SLC22A16: variants seen among roughly 807,000 people sequenced by gnomAD.
SLC22A16 encodes solute carrier family 22 member 16.
SLC22A16 carries 53 observed loss-of-function variants against 52.9 expected under a neutral mutation model. That is an observed-to-expected ratio of 1.00 (90% confidence interval 0.80 to 1.26). The LOEUF (loss-of-function observed/expected upper bound fraction) is 1.26. SLC22A16 is among the 50% of genes most tolerant of loss of function. The probability of loss-of-function intolerance (pLI) is 0.00; values close to 1 mark genes in which losing one functional copy is unlikely to be tolerated. For synonymous variants in SLC22A16, 291 were observed against 268.8 expected, an observed-to-expected ratio of 1.08 and a Z score of -0.81; for missense variants, 726 against 704.0, an observed-to-expected ratio of 1.03 and a Z score of -0.35.
At chr6:110,476,455 G>A (rs950098193) in intron 1 of SLC22A16, 67 bp downstream of exon 1, 1 of 1,436,824 alleles carries the variant, frequency 7.0e-7, no homozygotes, top group Non-Finnish European at 9.2e-7. Flanking sequence ...GAACCCCGCC[G>A]CAACGGAAAG....
chr6:110,456,955 A>T lies in SLC22A16; in HGVS notation c.116T>A (p.Leu39Ter). Reference sequence around the variant, plus strand: ...GGTGACTCCCATGAACACAGAAGCCAAGTAGTGAATACCACAAGAGATGTT... The same window carrying T: ...GGTGACTCCCATGAACACAGAAGCCTAGTAGTGAATACCACAAGAGATGTT... ...FQNISCGIHY[L>*]ASVFMGVTPH... The change falls in exon 2 of 8, where the codon TTG becomes TAG. Residue 39 changes from leucine (L) to a stop codon, truncating the protein, a stop_gained. Coordinates refer to ENST00000368919, the MANE Select transcript of SLC22A16 (RefSeq NM_033125.4). LOFTEE classifies it high-confidence loss of function. 2 of 1,601,812 alleles carry T rather than the reference A, an allele frequency of 1.2e-6. No individual in the cohort carries two copies. The highest frequency in any genetic ancestry group is 1.7e-6 in the Non-Finnish European group (2 of 1,174,052).
intron 6 of SLC22A16, among the ~76,000 whole-genome samples, chr6:110,435,182 G>A (rs1774674955): frequency 6.6e-6 from 1 of 152,192 alleles, no homozygotes; most frequent in Admixed American, 6.5e-5. Flanking sequence ...TTCAAGTGTT[G>A]AAGTCTGAAT....
chr6:110,428,392 A>G (rs1582514587), intron 7 of SLC22A16, among the ~76,000 whole-genome samples: 1 of 152,222 alleles, frequency 6.6e-6, no homozygotes, highest in Admixed American at 6.5e-5. Flanking sequence ...GACAGGCTGG[A>G]CAAGGAGCTG....
intron 7 of SLC22A16, among the ~76,000 whole-genome samples, chr6:110,429,907 T>G (rs1582517330): frequency 1.4e-5 from 2 of 147,900 alleles, no homozygotes; most frequent in Non-Finnish European, 3.0e-5. Flanking sequence ...GGGGAGGAGG[T>G]GGGATGAGGA....
At chr6:110,473,742 G>A (rs1466185767) in intron 1 of SLC22A16, among the ~76,000 whole-genome samples, 1 of 151,346 alleles carries the variant, frequency 6.6e-6, no homozygotes, top group African/African-American at 2.4e-5. Context: ...AGCCAGGATG[G>A]TCTCGAGCTC....
chr6:110,467,013 TC>T (rs1776093211), intron 1 of SLC22A16, among the ~76,000 whole-genome samples: 1 of 152,168 alleles, frequency 6.6e-6, no homozygotes, highest in Admixed American at 6.5e-5. Context: ...TCATCTAGCC[TC>T]TGGAAAACTC....
chr6:110,453,893 T>G (rs1309106244), intron 2 of SLC22A16, among the ~76,000 whole-genome samples: 1 of 152,006 alleles, frequency 6.6e-6, no homozygotes, highest in Non-Finnish European at 1.5e-5. Context: ...AGGTCAAAGG[T>G]GAAGCAGACA....
chr6:110,456,415 G>C lies in SLC22A16; in HGVS notation c.533+123C>G, dbSNP rs142148005. The C allele has an allele frequency of 1.1e-4, 131 of 1,174,902 alleles. 1 individual carries two copies. The East Asian group carries it at 2.0e-3, about 18-fold the overall frequency. The allele number at this position is 1,174,902 out of a possible 1,614,324, so 72.8% of individuals were successfully genotyped here. On this transcript the variant is annotated intron_variant, in intron 2 of 7. Coordinates refer to ENST00000368919, the MANE Select transcript of SLC22A16 (RefSeq NM_033125.4). ...CCCTAAATAATGGATCAGCAAAGAG[G>C]TAGGTATTTAGATAGGAAGTATAAA...
chr6:110,467,444 C>T (rs1260994396), intron 1 of SLC22A16, among the ~76,000 whole-genome samples: 1 of 152,152 alleles, frequency 6.6e-6, no homozygotes, highest in African/African-American at 2.4e-5. Flanking sequence ...AAACCAACAA[C>T]AGAAGTCCTA....
chr6:110,472,181 C>G (rs1039387778), intron 1 of SLC22A16, among the ~76,000 whole-genome samples: 1 of 152,162 alleles, frequency 6.6e-6, no homozygotes, highest in Non-Finnish European at 1.5e-5. Flanking sequence ...AAATCCAGGG[C>G]ATGGGACATG....
Position 110,476,507 on chromosome 6 carries a change from G to GCCCCCCCCCCCCCCCCCCCCC in SLC22A16, c.53+14_53+15insGGGGGGGGGGGGGGGGGGGGG, listed in dbSNP as rs1554229887. 1.9e-6 allele frequency: 2 copies of GCCCCCCCCCCCCCCCCCCCCC among 1,072,994 alleles called. No homozygotes were observed. The highest frequency in any genetic ancestry group is 4.4e-5 in the Admixed American group (1 of 22,766). 66.5% of individuals were successfully genotyped at this position (1,072,994 alleles called of 1,614,324 possible). A position where few individuals can be genotyped will look rare whatever the true frequency, so the allele number is the denominator to read the frequency against. Reference sequence around the variant, plus strand: ...GCCGCCTCCCGCGTGGCGCCGCGGGGCCCCTCCCCCATACCTGCCGAAGTG... The same window carrying GCCCCCCCCCCCCCCCCCCCCC: ...GCCGCCTCCCGCGTGGCGCCGCGGGGCCCCCCCCCCCCCCCCCCCCCCCCCTCCCCCATACCTGCCGAAGTG... On this transcript the variant is annotated intron_variant, in intron 1 of 7. Transcript: ENST00000368919.
At position 110,446,976 on chromosome 6, in the gene SLC22A16, A is replaced by G; in HGVS notation, c.548T>C (p.Val183Ala). 1 of 1,613,560 alleles carries G rather than the reference A, an allele frequency of 6.2e-7. No homozygotes were observed. The highest frequency in any genetic ancestry group is 8.5e-7 in the Non-Finnish European group (1 of 1,179,792). Residue 183 changes from valine to alanine, a missense_variant, in exon 3 of 8, where the codon GTG becomes GCG. Val to Ala is a moderately conservative substitution (Grantham distance 64). Transcript: ENST00000368919. ...GYFSDRLGRR[V>A]VLWATSSSMF... is the part of the protein sequence containing the mutation. ...GCTACTGCTTGTGGCCCACAAGACC[A>G]CCCGGCGTCCTAGCCTGAAAAATAA...
At chr6:110,448,617 C>T (rs149178323) in intron 2 of SLC22A16, among the ~76,000 whole-genome samples, 1 of 152,114 alleles carries the variant, frequency 6.6e-6, no homozygotes, top group Non-Finnish European at 1.5e-5. Flanking sequence ...ATGAATGTTC[C>T]CCAATCTAAT....
chr6:110,438,860 A>G lies in SLC22A16; in HGVS notation c.1184-13T>C, dbSNP rs1283813715. ...ATTTCCACTACACCTGTCATTGAGC[A>G]AGCAGCCCTCTATAAGTCTAGGTAC... On this transcript the variant is annotated splice_polypyrimidine_tract_variant and intron_variant, in intron 4 of 7. Coordinates refer to ENST00000368919, the MANE Select transcript of SLC22A16 (RefSeq NM_033125.4). The G allele has an allele frequency of 6.2e-7, 1 of 1,613,418 alleles. No homozygotes were observed. The highest frequency in any genetic ancestry group is 1.3e-5 in the African/African-American group (1 of 74,920).
intron 1 of SLC22A16, among the ~76,000 whole-genome samples, chr6:110,468,160 A>T (rs1334137711): frequency 2.0e-5 from 3 of 152,256 alleles, no homozygotes; most frequent in Non-Finnish European, 2.9e-5. Flanking sequence ...ACTACAAAGC[A>T]AAATGCAGGC....
At chr6:110,453,758 A>G in intron 2 of SLC22A16, 1 of 453,680 alleles carries the variant, frequency 2.2e-6, no homozygotes, top group East Asian at 7.0e-5. Context: ...CTATAAAAGA[A>G]CACCTAAGAC....
At chr6:110,448,406 C>T (rs1356516392) in intron 2 of SLC22A16, among the ~76,000 whole-genome samples, 1 of 152,104 alleles carries the variant, frequency 6.6e-6, no homozygotes, top group Non-Finnish European at 1.5e-5. Flanking sequence ...AGACCCTTAT[C>T]AGATATATAA....
intron 1 of SLC22A16, among the ~76,000 whole-genome samples, chr6:110,464,729 C>G (rs111351889): frequency 2.9e-4 from 44 of 152,092 alleles, no homozygotes; most frequent in Middle Eastern, 3.4e-3. Context: ...GAGCTAGAAC[C>G]AATCTTACTG....
rs1471653413 is a variant in SLC22A16, at chr6:110,454,781, T to G, written c.533+1757A>C. On this transcript the variant is annotated intron_variant, in intron 2 of 7. Coordinates refer to ENST00000368919, the MANE Select transcript of SLC22A16 (RefSeq NM_033125.4). ...ATACATTTATATATATAAATATATATAAATATATAAATATATATAATATAT... is the reference window on the plus strand; with the variant it reads ...ATACATTTATATATATAAATATATAGAAATATATAAATATATATAATATAT... Among the ~76,000 whole-genome samples the G allele has an allele frequency of 4.1e-4, 25 of 60,680 alleles. 1 individual carries two copies. The highest frequency in any genetic ancestry group is 8.0e-4 in the South Asian group (2 of 2,504). 39.8% of individuals were successfully genotyped at this position (60,680 alleles called of 152,430 possible). A position where few individuals can be genotyped will look rare whatever the true frequency, so the allele number is the denominator to read the frequency against.
Sources: gnomAD v4.1 joint callset for allele counts (sites outside exome capture counted in the v4.1 genomes callset) on GRCh38, gnomAD v4.1.1 for gene constraint, MANE v1.5 for transcripts, NCBI Gene and HGNC (gene_info 2026-07-23, HGNC 2026-07-21) for gene names.